The following SLC30A8 variants were observed in gnomAD, a reference collection of about 807,000 sequenced individuals.
The protein encoded by SLC30A8 is proton-coupled zinc antiporter SLC30A8.
In SLC30A8, 27 loss-of-function variants were observed where a neutral mutation model predicts 36.9. That is an observed-to-expected ratio of 0.73 (90% confidence interval 0.54 to 1.01). The LOEUF (loss-of-function observed/expected upper bound fraction) is 1.01, where lower values mean the gene tolerates loss of function less well. Among genes scored for constraint, SLC30A8 ranks in the 50% least tolerant of loss-of-function variants. SLC30A8 has a pLI of 0.00. For missense variants in SLC30A8, 439 were observed against 452.0 expected, an observed-to-expected ratio of 0.97 and a Z score of 0.26; for synonymous variants, 164 against 172.4, an observed-to-expected ratio of 0.95 and a Z score of 0.38.
At chr8:117,136,547 AT>A (rs1482999871) in intron 1 of SLC30A8, among the ~76,000 whole-genome samples, 1 of 152,052 alleles carries the variant, frequency 6.6e-6, no homozygotes, top group African/African-American at 2.4e-5. Flanking sequence ...AAGAGATTTT[AT>A]AAAAAGGATA....
At chr8:117,008,328 G>C (rs1366766122) in intron 1 of SLC30A8, among the ~76,000 whole-genome samples, 1 of 152,176 alleles carries the variant, frequency 6.6e-6, no homozygotes, top group Non-Finnish European at 1.5e-5. Context: ...AAACTTGTAA[G>C]TGCTTTTCCT....
At chr8:117,017,407 G>T (rs542836021) in intron 1 of SLC30A8, among the ~76,000 whole-genome samples, 2 of 152,262 alleles carry the variant, frequency 1.3e-5, no homozygotes, top group East Asian at 1.9e-4. Flanking sequence ...TTTTATCTCA[G>T]TTGCAACAGC....
rs760413117 is a variant in SLC30A8 at position 117,172,565 on chromosome 8, A to G, written c.994A>G (p.Arg332Gly). Residue 332 changes from arginine (R) to glycine (G), a missense_variant, in exon 8 of 8, where the codon AGA becomes GGA. Arg to Gly is a moderately radical substitution (Grantham distance 125, BLOSUM62 -2). Coordinates refer to ENST00000456015, the MANE Select transcript of SLC30A8 (RefSeq NM_173851.3). Reference protein sequence around the residue: ...AASRDSQVVRREIAKALSKSF... With the variant: ...AASRDSQVVRGEIAKALSKSF... ...CAGCCGGGACAGCCAAGTGGTTCGG[A>G]GAGAAATTGCTAAAGCCCTTAGCAA... 2 of 1,613,696 alleles carry G rather than the reference A, an allele frequency of 1.2e-6. No homozygotes were observed. The highest frequency in any genetic ancestry group is 3.3e-5 in the Admixed American group (2 of 59,984).
upstream of SLC30A8, among the ~76,000 whole-genome samples, chr8:117,131,922 A>G (rs1362973158): frequency 6.6e-6 from 1 of 152,030 alleles, no homozygotes; most frequent in Admixed American, 6.6e-5. Flanking sequence ...TCAAGGTCAC[A>G]TATCTAAGAA....
chr8:117,007,299 C>G (rs1685697974), intron 1 of SLC30A8, among the ~76,000 whole-genome samples: 1 of 152,054 alleles, frequency 6.6e-6, no homozygotes, highest in African/African-American at 2.4e-5. Flanking sequence ...TGTTGCAAAA[C>G]AGGTTTTGGA....
rs1823563515 is a variant in SLC30A8, at chr8:117,174,439, A to G, written c.*1758A>G. 8 of 152,576 alleles carry G rather than the reference A, an allele frequency of 5.2e-5. No homozygotes were observed. The highest frequency in any genetic ancestry group is 5.2e-4 in the Admixed American group (8 of 15,268). 9.5% of individuals were successfully genotyped at this position (152,576 alleles called of 1,614,324 possible). ...GCTGAGCTTTCCCTGCTCAGTAGAG[A>G]CAAATATACTCATCCCCCACCTCAG... is the stretch of plus-strand genomic sequence containing the variant. On this transcript the variant is annotated 3_prime_UTR_variant, in exon 8 of 8. Coordinates refer to ENST00000456015, the MANE Select transcript of SLC30A8 (RefSeq NM_173851.3).
chr8:116,999,194 G>A (rs981973892), intron 1 of SLC30A8, among the ~76,000 whole-genome samples: 1 of 152,212 alleles, frequency 6.6e-6, no homozygotes, highest in Non-Finnish European at 1.5e-5. Flanking sequence ...AGGAGGCAGA[G>A]GTCGCAGTGA....
At chr8:117,163,032 T>A (rs1181704030) in intron 5 of SLC30A8, among the ~76,000 whole-genome samples, 2 of 152,254 alleles carry the variant, frequency 1.3e-5, no homozygotes. Flanking sequence ...TGTCCTTTCT[T>A]CTGCTCATTA....
intron 2 of SLC30A8, among the ~76,000 whole-genome samples, chr8:117,046,129 G>A (rs1479788192): frequency 6.6e-6 from 1 of 152,050 alleles, no homozygotes; most frequent in Non-Finnish European, 1.5e-5. Flanking sequence ...GGTTGTGAAG[G>A]TTCCTCCCCA....
chr8:117,098,032 A>C (rs1400055342), intron 2 of SLC30A8, among the ~76,000 whole-genome samples: 1 of 135,092 alleles, frequency 7.4e-6, no homozygotes, highest in Non-Finnish European at 1.5e-5. Flanking sequence ...TAAATATATT[A>C]AATAAATATA....
chr8:117,087,721 G>A (rs766717810), intron 2 of SLC30A8, among the ~76,000 whole-genome samples: 18 of 152,086 alleles, frequency 1.2e-4, no homozygotes, highest in African/African-American at 4.3e-4. Context: ...CTGGCTCAGT[G>A]TCAGCTGTAC....
At chr8:117,064,940 A>G (rs1194139176) in intron 2 of SLC30A8, among the ~76,000 whole-genome samples, 2 of 152,214 alleles carry the variant, frequency 1.3e-5, no homozygotes, top group Admixed American at 6.5e-5. Flanking sequence ...CGTTCCCTCT[A>G]CTATCCAATA....
At chr8:117,067,172 A>G (rs942490437) in intron 2 of SLC30A8, among the ~76,000 whole-genome samples, 17 of 152,106 alleles carry the variant, frequency 1.1e-4, no homozygotes, top group Non-Finnish European at 2.1e-4. Context: ...AACCAGCCCC[A>G]TGATTCAATT....
intron 6 of SLC30A8, 120 bp downstream of exon 6, chr8:117,163,650 A>G (rs994881251): frequency 1.4e-6 from 1 of 731,482 alleles, no homozygotes; most frequent in Admixed American, 3.2e-5. Context: ...ATTTAAAGTG[A>G]AAAGGAATTT....
rs139241174 is a variant in SLC30A8 at position 117,100,696 on chromosome 8, A to G, written c.-225-34584A>G. ...TTCTTCTGCTTCAGACTTCAGTTCA[A>G]TCTCTAAGATCTGAAATAGCTAGTT... On this transcript the variant is annotated intron_variant, in intron 2 of 10. Coordinates refer to the SLC30A8 transcript ENST00000427715. Among the ~76,000 whole-genome samples the G allele has an allele frequency of 5.3e-3, 813 of 152,314 alleles. 6 individuals are homozygous for G. The highest frequency in any genetic ancestry group is 0.031 in the Middle Eastern group (9 of 294).
chr8:117,072,236 C>T (rs1475230848), intron 2 of SLC30A8, among the ~76,000 whole-genome samples: 1 of 152,180 alleles, frequency 6.6e-6, no homozygotes, highest in Non-Finnish European at 1.5e-5. Flanking sequence ...TCATTCTGTG[C>T]CTCACTATCC....
chr8:117,107,451 T>G (rs1487288200), intron 2 of SLC30A8, among the ~76,000 whole-genome samples: 1 of 152,166 alleles, frequency 6.6e-6, no homozygotes, highest in African/African-American at 2.4e-5. Flanking sequence ...GTAATATAAT[T>G]TTAAACATGC....
chr8:117,114,137 A>G (rs1433065328), intron 2 of SLC30A8, among the ~76,000 whole-genome samples: 1 of 152,166 alleles, frequency 6.6e-6, no homozygotes, highest in Non-Finnish European at 1.5e-5. Flanking sequence ...TCAGACACAC[A>G]GCACTTAGAA....
intron 1 of SLC30A8, among the ~76,000 whole-genome samples, chr8:117,146,560 A>G (rs930358274): frequency 6.6e-6 from 1 of 152,182 alleles, no homozygotes; most frequent in Non-Finnish European, 1.5e-5. Context: ...TGGCTCTTAT[A>G]CACATATCGT....
Sources: gnomAD v4.1 joint callset for allele counts (sites outside exome capture counted in the v4.1 genomes callset) on GRCh38, gnomAD v4.1.1 for gene constraint, MANE v1.5 for transcripts, NCBI Gene and HGNC (gene_info 2026-07-23, HGNC 2026-07-21) for gene names.